Variants in PRIM2 observed in about 807,000 individuals in gnomAD.
The protein encoded by PRIM2 is DNA primase large subunit.
Under a neutral mutation model 67.3 loss-of-function variants are expected in PRIM2, and 39 were observed. The observed-to-expected ratio is 0.58, with a 90% CI of 0.45 to 0.76. The LOEUF is 0.76. Among genes scored for constraint, PRIM2 ranks in the 30% least tolerant of loss-of-function variants. The pLI is 0.00. For missense variants in PRIM2, 398 were observed against 598.7 expected (o/e 0.66, Z 3.50); for synonymous variants, 143 against 198.7 (o/e 0.72, Z 2.36).
Position 57,609,641 on chromosome 6 carries a change from A to G in PRIM2, c.1230+3184A>G, listed in dbSNP as rs1776629366. On this transcript the variant is annotated intron_variant, in intron 12 of 13. Transcript: ENST00000615550. ...ATTTCTCCGTTTGCCCTTGATCCAT[A>G]AGTATACTCCTTACTTAGCTGAAGC... 6.6e-5 allele frequency among the ~76,000 whole-genome samples: 10 copies of G among 152,332 alleles called. No individual in the cohort carries two copies. The South Asian group carries it at 2.1e-3, about 32-fold the overall frequency.
intron 5 of PRIM2, among the ~76,000 whole-genome samples, chr6:57,332,604 T>C (rs1319579947): frequency 6.6e-6 from 1 of 152,188 alleles, no homozygotes; most frequent in Non-Finnish European, 1.5e-5. Flanking sequence ...GACCCTTTTA[T>C]CATTATGAAA....
chr6:57,624,594 A>G (rs1776914086), intron 12 of PRIM2, among the ~76,000 whole-genome samples: 1 of 152,238 alleles, frequency 6.6e-6, no homozygotes, highest in African/African-American at 2.4e-5. Context: ...TGGGTTTGAA[A>G]GTTGAGTAGG....
intron 8 of PRIM2, among the ~76,000 whole-genome samples, chr6:57,526,792 T>G (rs1318379006): frequency 1.3e-5 from 2 of 152,100 alleles, no homozygotes; most frequent in Non-Finnish European, 2.9e-5. Context: ...TTTATAGATG[T>G]TGAAGCAATT....
chr6:57,586,952 A>G lies in PRIM2; in HGVS notation c.1021-14141A>G, dbSNP rs1482032081. 2.0e-5 allele frequency: 3 copies of G among 152,238 alleles called. 1 individual carries two copies. The highest frequency in any genetic ancestry group is 1.3e-4 in the Admixed American group (2 of 15,288). The allele number at this position is 152,238 out of a possible 1,614,324, so 9.4% of individuals were successfully genotyped here. A position where few individuals can be genotyped will look rare whatever the true frequency, so the allele number is the denominator to read the frequency against. On this transcript the variant is annotated intron_variant, in intron 10 of 13. Transcript: ENST00000615550. ...ATGAGAAATTAGGTATCCACATCCT[A>G]CAATAGCCCACAAGATCCAAAAACC...
chr6:57,491,861 T>C (rs1773899423), intron 7 of PRIM2, among the ~76,000 whole-genome samples: 1 of 152,054 alleles, frequency 6.6e-6, no homozygotes, highest in Admixed American at 6.5e-5. Context: ...ATTTAAAAGC[T>C]GACGAGGCTG....
chr6:57,234,034 G>A, the PRIM2 span, among the ~76,000 whole-genome samples: 1 of 152,032 alleles, frequency 6.6e-6, no homozygotes, highest in African/African-American at 2.4e-5. Flanking sequence ...ATGATTTTCT[G>A]CCAAATGCTA....
chr6:57,314,154 T>G (rs1767436431), upstream of PRIM2, among the ~76,000 whole-genome samples: 1 of 152,236 alleles, frequency 6.6e-6, no homozygotes, highest in Admixed American at 6.5e-5. Context: ...CACATTTGAT[T>G]CAAACCATCT....
chr6:57,617,792 A>C (rs1297311533), intron 12 of PRIM2, among the ~76,000 whole-genome samples: 1 of 152,136 alleles, frequency 6.6e-6, no homozygotes, highest in African/African-American at 2.4e-5. Context: ...TTGTGCTTTT[A>C]GTGTCATAAT....
chr6:57,486,214 A>T (rs1773749868), intron 7 of PRIM2, among the ~76,000 whole-genome samples: 1 of 152,210 alleles, frequency 6.6e-6, no homozygotes, highest in Admixed American at 6.5e-5. Flanking sequence ...GAGGGAGAAC[A>T]GGCTAAAGAG....
chr6:57,604,685 A>AT (rs1167624948), intron 11 of PRIM2, among the ~76,000 whole-genome samples: 1,526 of 135,100 alleles, frequency 0.011, 18 homozygotes, highest in African/African-American at 0.034. Context: ...GGAATATTGG[A>AT]TTTTTTTTTT....
intron 13 of PRIM2, among the ~76,000 whole-genome samples, chr6:57,642,636 T>C (rs1315261138): frequency 6.6e-6 from 1 of 151,426 alleles, no homozygotes; most frequent in Non-Finnish European, 1.5e-5. Context: ...AGAGACGGGG[T>C]TTCACCGTGT....
chr6:57,625,138 T>C (rs1398360717), intron 12 of PRIM2, among the ~76,000 whole-genome samples: 4 of 152,120 alleles, frequency 2.6e-5, no homozygotes, highest in Non-Finnish European at 5.9e-5. Flanking sequence ...TGGGTGAGGA[T>C]AGAGCCAAAC....
At chr6:57,246,792 T>G in the PRIM2 span, among the ~76,000 whole-genome samples, 2 of 152,098 alleles carry the variant, frequency 1.3e-5, no homozygotes, top group Admixed American at 6.5e-5. Context: ...TGCCAGTTTC[T>G]GCATCTGCCC....
chr6:57,605,962 A>G (rs1776554751), intron 11 of PRIM2, among the ~76,000 whole-genome samples: 1 of 152,014 alleles, frequency 6.6e-6, no homozygotes, highest in Non-Finnish European at 1.5e-5. Context: ...CATGTTTTTC[A>G]TTTTGTTTAT....
intron 7 of PRIM2, among the ~76,000 whole-genome samples, chr6:57,452,093 C>A (rs1291048162): frequency 6.6e-6 from 1 of 152,078 alleles, no homozygotes; most frequent in African/African-American, 2.4e-5. Flanking sequence ...TCATCCATGT[C>A]CCTACAAAGG....
chr6:57,315,932 GTCT>G (rs1767473415), upstream of PRIM2, among the ~76,000 whole-genome samples: 1 of 152,080 alleles, frequency 6.6e-6, no homozygotes, highest in Non-Finnish European at 1.5e-5. Context: ...GCTTTCAGGT[GTCT>G]TCTTTGGACC....
intron 7 of PRIM2, among the ~76,000 whole-genome samples, chr6:57,407,253 A>T (rs1770922681): frequency 6.6e-6 from 1 of 152,132 alleles, no homozygotes; most frequent in Non-Finnish European, 1.5e-5. Flanking sequence ...AAAGAGAATA[A>T]CAATTTGCAT....
intron 5 of PRIM2, among the ~76,000 whole-genome samples, chr6:57,338,504 T>G (rs1317079677): frequency 6.6e-6 from 1 of 150,428 alleles, no homozygotes; most frequent in Non-Finnish European, 1.5e-5. Context: ...AAAAAGCTTA[T>G]CCACCATGAT....
At chr6:57,240,097 T>TTGTTTG in the PRIM2 span, among the ~76,000 whole-genome samples, 1 of 19,926 alleles carries the variant, frequency 5.0e-5, no homozygotes, top group Non-Finnish European at 1.1e-4. Flanking sequence ...ATCTGTTTTT[T>TTGTTTG]TTTTTTTTTT....
Sources: gnomAD v4.1 joint callset for allele counts (sites outside exome capture counted in the v4.1 genomes callset) on GRCh38, gnomAD v4.1.1 for gene constraint, MANE v1.5 for transcripts, NCBI Gene and HGNC (gene_info 2026-07-23, HGNC 2026-07-21) for gene names.